PLBD1: variants seen among roughly 807,000 people sequenced by gnomAD.
PLBD1 encodes phospholipase B domain containing 1.
A neutral mutation model predicts 63.0 loss-of-function variants in PLBD1; 60 were observed. The observed-to-expected ratio is 0.95, with a 90% CI of 0.77 to 1.18. PLBD1 has a LOEUF of 1.18. Ranked by LOEUF, PLBD1 falls within the 50% of genes most tolerant of loss-of-function variation. The pLI, the probability that PLBD1 is intolerant of heterozygous loss-of-function variation, is 0.00. For synonymous variants in PLBD1, 262 were observed against 248.0 expected, an observed-to-expected ratio of 1.06 and a Z score of -0.53; for missense variants, 598 against 677.9, an observed-to-expected ratio of 0.88 and a Z score of 1.31.
intron 6 of PLBD1, among the ~76,000 whole-genome samples, chr12:14,513,907 G>A (rs960900289): frequency 1.3e-5 from 2 of 151,546 alleles, no homozygotes; most frequent in Non-Finnish European, 2.9e-5. Flanking sequence ...AGCCTCCCAA[G>A]TAGCTGGGAC....
At chr12:14,505,106 CTTTTTTTTT>C (rs57466061) in intron 10 of PLBD1, among the ~76,000 whole-genome samples, 1 of 140,540 alleles carries the variant, frequency 7.1e-6, no homozygotes. Flanking sequence ...CTACGTCTAC[CTTTTTTTTT>C]TTTTTTTTTA....
In PLBD1 at chr12:14,560,074, G is replaced by C. The variant is rs553315888; in HGVS notation, c.116-6662C>G. Among the ~76,000 whole-genome samples, 5 of 152,158 alleles carry C rather than the reference G, an allele frequency of 3.3e-5. 1 individual carries two copies. Among genetic ancestry groups the C allele is most frequent in the African/African-American group, 1.2e-4 (5 of 41,518 alleles). ...AGGGTTTCTCCATGTTGATCAGGCT[G>C]GTCTCGAACTCTTGACCTCAGGTGA... is the stretch of plus-strand genomic sequence containing the variant. On this transcript the variant is annotated intron_variant, in intron 1 of 10. Coordinates refer to ENST00000240617, the MANE Select transcript of PLBD1 (RefSeq NM_024829.6).
At chr12:14,567,084 G>T (rs1452388067) in intron 1 of PLBD1, among the ~76,000 whole-genome samples, 1 of 152,136 alleles carries the variant, frequency 6.6e-6, no homozygotes, top group Non-Finnish European at 1.5e-5. Flanking sequence ...CACAGAGAGC[G>T]ACTCTGTCTC....
chr12:14,507,167 A>T, intron 8 of PLBD1, 49 bp from the exon 9 acceptor site: 7 of 1,382,776 alleles, frequency 5.1e-6, no homozygotes, highest in Non-Finnish European at 7.1e-6. Flanking sequence ...AGGGAAGGAG[A>T]CAGAAAAGGA....
intron 1 of PLBD1, among the ~76,000 whole-genome samples, chr12:14,557,690 G>A (rs1227285815): frequency 6.6e-6 from 1 of 152,148 alleles, no homozygotes; most frequent in Non-Finnish European, 1.5e-5. Context: ...CTTCAGGGTG[G>A]AGGGAAGAAG....
Position 14,506,978 on chromosome 12 carries a change from T to C in PLBD1, c.1327A>G (p.Lys443Glu), listed in dbSNP as rs774741858. The C allele has an allele frequency of 6.2e-6, 10 of 1,614,164 alleles. No homozygotes were observed. The South Asian group carries it at 6.6e-5, about 11-fold the overall frequency. Reference sequence around the variant, plus strand: ...TTCATGGATGCCGTATCAGTCACTTTCCCTTGGTCACGCCGGAAAATTTTG... The same window carrying C: ...TTCATGGATGCCGTATCAGTCACTTCCCCTTGGTCACGCCGGAAAATTTTG... ...RAKIFRRDQGKVTDTASMKYI... is the reference protein window; with the variant it reads ...RAKIFRRDQGEVTDTASMKYI... The change falls in exon 9 of 11, where the codon AAA becomes GAA. Residue 443 changes from lysine to glutamate, a missense_variant. Coordinates refer to ENST00000240617, the MANE Select transcript of PLBD1 (RefSeq NM_024829.6).
chr12:14,532,266 T>C (rs1453812197), intron 6 of PLBD1, among the ~76,000 whole-genome samples: 4 of 152,072 alleles, frequency 2.6e-5, no homozygotes, highest in Non-Finnish European at 5.9e-5. Context: ...GGCCCGTTTG[T>C]GTTGTGGAGC....
intron 6 of PLBD1, among the ~76,000 whole-genome samples, chr12:14,522,336 C>A (rs7954517): frequency 1.3e-5 from 2 of 151,836 alleles, no homozygotes; most frequent in Non-Finnish European, 2.9e-5. Flanking sequence ...TTGAACAGAC[C>A]AATAACAAGT....
intron 4 of PLBD1, among the ~76,000 whole-genome samples, chr12:14,538,888 T>C (rs555372809): frequency 2.6e-5 from 4 of 152,150 alleles, no homozygotes; most frequent in African/African-American, 9.6e-5. Context: ...TAGCCGGGCA[T>C]GGTGGCGCAT....
chr12:14,511,465 CA>C, intron 7 of PLBD1, 45 bp downstream of exon 7: 1 of 1,613,824 alleles, frequency 6.2e-7, no homozygotes, highest in Non-Finnish European at 8.5e-7. Flanking sequence ...AAGCCTAAAT[CA>C]AAATATATGT....
At chr12:14,551,073 C>T (rs969323975) in intron 2 of PLBD1, among the ~76,000 whole-genome samples, 1 of 147,930 alleles carries the variant, frequency 6.8e-6, no homozygotes, top group African/African-American at 2.5e-5. Flanking sequence ...AAAATTTCTG[C>T]TTTAATACAG....
chr12:14,516,358 C>T (rs1945337114), intron 6 of PLBD1, among the ~76,000 whole-genome samples: 1 of 151,906 alleles, frequency 6.6e-6, no homozygotes, highest in African/African-American at 2.4e-5. Context: ...CAAACAACAA[C>T]AACAAAAAAG....
chr12:14,515,221 G>A lies in PLBD1; in HGVS notation c.845-3510C>T, dbSNP rs115612406. On this transcript the variant is annotated intron_variant, in intron 6 of 10. Transcript: ENST00000240617. ...CATGTTGAGACAGGGTGGAGTTGAG[G>A]GAAATCATCTTATGACCAGTTAATC... 2.8e-3 allele frequency among the ~76,000 whole-genome samples: 426 copies of A among 152,168 alleles called. 3 individuals carry two copies. The highest frequency in any genetic ancestry group is 9.4e-3 in the African/African-American group (391 of 41,528).
intron 2 of PLBD1, among the ~76,000 whole-genome samples, chr12:14,547,861 T>C (rs922593828): frequency 9.2e-5 from 14 of 152,156 alleles, no homozygotes; most frequent in South Asian, 4.1e-4. Flanking sequence ...TTGTCTGTGG[T>C]AGCGGGGCAT....
chr12:14,510,778 G>A (rs1945291900), intron 8 of PLBD1, among the ~76,000 whole-genome samples: 1 of 152,144 alleles, frequency 6.6e-6, no homozygotes, highest in Non-Finnish European at 1.5e-5. Context: ...GCCACGTTCT[G>A]TTTAGGTTCA....
intron 6 of PLBD1, among the ~76,000 whole-genome samples, chr12:14,515,026 G>A (rs542911022): frequency 6.6e-6 from 1 of 152,078 alleles, no homozygotes; most frequent in Admixed American, 6.5e-5. Flanking sequence ...GAAATAAAAA[G>A]AAACACTTCC....
At chr12:14,553,548 C>T (rs1945677562) in intron 1 of PLBD1, 136 bp from the exon 2 acceptor site, 4 of 752,802 alleles carry the variant, frequency 5.3e-6, no homozygotes, top group South Asian at 3.7e-5. Flanking sequence ...TCTGCCGTTA[C>T]AGTTTGCCCT....
chr12:14,519,018 A>G (rs1945355813), intron 6 of PLBD1, among the ~76,000 whole-genome samples: 1 of 152,226 alleles, frequency 6.6e-6, no homozygotes, highest in Non-Finnish European at 1.5e-5. Context: ...CCCACAAATA[A>G]TAATTATAAA....
intron 6 of PLBD1, among the ~76,000 whole-genome samples, chr12:14,512,030 TAGGATTTTGCAGGAG>T (rs71741181): frequency 0.022 from 3,383 of 152,240 alleles, 114 homozygotes; most frequent in African/African-American, 0.077. Flanking sequence ...CCCGACTTGC[TAGGATTTTGCAGGAG>T]AATTTTTAAT....
Sources: gnomAD v4.1 joint callset for allele counts (sites outside exome capture counted in the v4.1 genomes callset) on GRCh38, gnomAD v4.1.1 for gene constraint, MANE v1.5 for transcripts, NCBI Gene and HGNC (gene_info 2026-07-23, HGNC 2026-07-21) for gene names.